STXBP6: variants seen among roughly 807,000 people sequenced by gnomAD.
STXBP6 encodes the protein syntaxin-binding protein 6.
Under a neutral mutation model 26.9 loss-of-function variants are expected in STXBP6, and 21 were observed. The ratio of observed to expected loss-of-function variants is 0.78; its 90% CI spans 0.55 to 1.12. The LOEUF (loss-of-function observed/expected upper bound fraction) is 1.12, where lower values mean the gene tolerates loss of function less well. Among genes scored for constraint, STXBP6 ranks in the 50% most tolerant of loss-of-function variants. The pLI is 0.00. For missense variants in STXBP6, 232 were observed against 257.9 expected (o/e 0.90, Z 0.69); for synonymous variants, 97 against 92.6 (o/e 1.05, Z -0.27).
intron 2 of STXBP6, among the ~76,000 whole-genome samples, chr14:24,967,807 C>T (rs1296544444): frequency 6.6e-6 from 1 of 152,182 alleles, no homozygotes; most frequent in East Asian, 1.9e-4. Flanking sequence ...TTCTACATCT[C>T]TATCAATTGT....
chr14:24,952,961 C>T (rs2073221517), intron 2 of STXBP6, among the ~76,000 whole-genome samples: 1 of 152,142 alleles, frequency 6.6e-6, no homozygotes, highest in South Asian at 2.1e-4. Flanking sequence ...CATGTTCCTG[C>T]TCACATTTCT....
At chr14:24,882,253 C>T (rs1244549191) in intron 2 of STXBP6, among the ~76,000 whole-genome samples, 3 of 148,692 alleles carry the variant, frequency 2.0e-5, no homozygotes, top group Non-Finnish European at 4.5e-5. Context: ...GTGGCGGGCG[C>T]CTGTAGTCCC....
At chr14:24,962,991 G>C (rs1489855081) in intron 2 of STXBP6, among the ~76,000 whole-genome samples, 4 of 151,906 alleles carry the variant, frequency 2.6e-5, no homozygotes, top group Non-Finnish European at 4.4e-5. Flanking sequence ...TAAAATTCTT[G>C]TTACCATGTT....
chr14:24,985,019 C>T (rs1015394905), intron 1 of STXBP6, among the ~76,000 whole-genome samples: 5 of 152,194 alleles, frequency 3.3e-5, no homozygotes, highest in Non-Finnish European at 7.3e-5. Context: ...TTGCCTCTGG[C>T]CACATTTTCT....
chr14:25,047,243 T>C (rs1311663100), intron 1 of STXBP6, among the ~76,000 whole-genome samples: 1 of 152,156 alleles, frequency 6.6e-6, no homozygotes, highest in East Asian at 1.9e-4. Context: ...TACCCAAGGG[T>C]GATCTAAAAC....
At chr14:24,896,563 C>T (rs1314747324) in intron 2 of STXBP6, among the ~76,000 whole-genome samples, 1 of 152,176 alleles carries the variant, frequency 6.6e-6, no homozygotes, top group Non-Finnish European at 1.5e-5. Context: ...TTGAGAACCA[C>T]TTACTTTAAG....
intron 1 of STXBP6, among the ~76,000 whole-genome samples, chr14:24,986,923 G>A (rs901991032): frequency 3.2e-4 from 49 of 152,256 alleles, no homozygotes; most frequent in African/African-American, 1.1e-3. Context: ...TACAAATCCA[G>A]GTCAGACTCA....
chr14:24,964,338 C>G (rs1260135593), intron 2 of STXBP6, among the ~76,000 whole-genome samples: 1 of 152,188 alleles, frequency 6.6e-6, no homozygotes, highest in Admixed American at 6.5e-5. Context: ...AGCACGGTAA[C>G]TACCTAGTAG....
chr14:25,045,952 C>G, intron 1 of STXBP6, among the ~76,000 whole-genome samples: 1 of 152,036 alleles, frequency 6.6e-6, no homozygotes, highest in South Asian at 2.1e-4. Flanking sequence ...CTTCTGAAAT[C>G]AGAAAAAGAA....
At chr14:24,968,418 T>C (rs1467639298) in intron 2 of STXBP6, among the ~76,000 whole-genome samples, 2 of 152,022 alleles carry the variant, frequency 1.3e-5, no homozygotes, top group African/African-American at 2.4e-5. Context: ...AATTAGAAAG[T>C]AGACAATTTC....
intron 1 of STXBP6, among the ~76,000 whole-genome samples, chr14:24,985,307 A>G (rs966441803): frequency 6.6e-6 from 1 of 152,212 alleles, no homozygotes; most frequent in Non-Finnish European, 1.5e-5. Context: ...ACAGCTGCTC[A>G]CCACCATCAT....
chr14:24,988,210 C>T (rs746547508), intron 1 of STXBP6, among the ~76,000 whole-genome samples: 2 of 152,232 alleles, frequency 1.3e-5, no homozygotes, highest in Non-Finnish European at 2.9e-5. Flanking sequence ...CTAGTGCATA[C>T]TGGTCCTTAT....
At chr14:24,991,548 G>A (rs1265279327) in intron 1 of STXBP6, among the ~76,000 whole-genome samples, 1 of 152,126 alleles carries the variant, frequency 6.6e-6, no homozygotes, top group African/African-American at 2.4e-5. Context: ...TTCATTGCCT[G>A]TTAGATGCTC....
chr14:24,987,934 G>T, intron 1 of STXBP6: 1 of 968,438 alleles, frequency 1.0e-6, no homozygotes. Context: ...CTGAGGAGAA[G>T]AAGAGCAACA....
chr14:24,933,717 T>C (rs1007374536), intron 2 of STXBP6, among the ~76,000 whole-genome samples: 5 of 152,158 alleles, frequency 3.3e-5, no homozygotes, highest in African/African-American at 1.2e-4. Context: ...ATACCAAATT[T>C]TGTTGAATAT....
At chr14:24,889,463 C>T (rs1048497636) in intron 2 of STXBP6, among the ~76,000 whole-genome samples, 7 of 146,714 alleles carry the variant, frequency 4.8e-5, no homozygotes, top group African/African-American at 1.5e-4. Context: ...ATACCTAATG[C>T]TAAATGACGA....
intron 4 of STXBP6, among the ~76,000 whole-genome samples, chr14:24,854,480 C>A (rs1488427235): frequency 6.6e-6 from 1 of 152,108 alleles, no homozygotes; most frequent in Non-Finnish European, 1.5e-5. Flanking sequence ...GCTAGCCATG[C>A]AAGCTACTGA....
chr14:24,908,999 A>G (rs1450566056), intron 2 of STXBP6, among the ~76,000 whole-genome samples: 1 of 152,250 alleles, frequency 6.6e-6, no homozygotes, highest in Non-Finnish European at 1.5e-5. Context: ...GGTAAAATAC[A>G]CAGTAGTAAA....
chr14:24,967,687 CTA>C (rs2073777757), intron 2 of STXBP6, among the ~76,000 whole-genome samples: 1 of 152,114 alleles, frequency 6.6e-6, no homozygotes, highest in Non-Finnish European at 1.5e-5. Flanking sequence ...CACCAAATCT[CTA>C]TAATAAAGAG....
Sources: allele counts gnomAD v4.1 joint callset (sites outside exome capture counted in the v4.1 genomes callset), GRCh38; gene constraint gnomAD v4.1.1; transcripts MANE v1.5; gene names NCBI Gene and HGNC (gene_info 2026-07-23, HGNC 2026-07-21).